Variants in NDUFAF6 observed in about 807,000 individuals in gnomAD.
NDUFAF6 encodes NADH dehydrogenase (ubiquinone) complex I, assembly factor 6.
NDUFAF6 carries 45 observed loss-of-function variants against 40.8 expected under a neutral mutation model. The observed-to-expected ratio is 1.10, with a 90% CI of 0.87 to 1.42. The LOEUF (loss-of-function observed/expected upper bound fraction) is 1.42, where lower values mean the gene tolerates loss of function less well. NDUFAF6 is among the 40% of genes most tolerant of loss of function. The pLI is 0.00. For synonymous variants in NDUFAF6, 185 were observed against 155.9 expected, an observed-to-expected ratio of 1.19 and a Z score of -1.39; for missense variants, 435 against 418.5, an observed-to-expected ratio of 1.04 and a Z score of -0.34.
chr8:95,084,487 C>T (rs757113855), intron 2 of NDUFAF6, among the ~76,000 whole-genome samples: 1 of 152,158 alleles, frequency 6.6e-6, no homozygotes, highest in Non-Finnish European at 1.5e-5. Context: ...AAAGTCCATA[C>T]CTTACTCTTC....
intron 1 of NDUFAF6, among the ~76,000 whole-genome samples, chr8:94,935,128 T>G (rs199734653): frequency 4.1e-4 from 60 of 144,750 alleles, no homozygotes; most frequent in Admixed American, 1.3e-3. Context: ...GGTAGATAGA[T>G]ATAGATAGAT....
chr8:94,934,449 GATC>G (rs1820767260), intron 1 of NDUFAF6, among the ~76,000 whole-genome samples: 1 of 150,932 alleles, frequency 6.6e-6, no homozygotes, highest in African/African-American at 2.4e-5. Flanking sequence ...GCAATGGCGT[GATC>G]TCAGCTCACT....
intron 2 of NDUFAF6, among the ~76,000 whole-genome samples, chr8:94,952,925 A>C (rs1430307541): frequency 6.6e-6 from 1 of 152,250 alleles, no homozygotes; most frequent in Admixed American, 6.5e-5. Context: ...AAGAGGTGGG[A>C]TAGCCTGCGC....
At chr8:95,048,423 A>G (rs778967428) in intron 6 of NDUFAF6, 34 bp from the exon 7 acceptor site, 173 of 1,479,508 alleles carry the variant, frequency 1.2e-4, no homozygotes, top group Non-Finnish European at 1.6e-4. Context: ...AAGTGCTTTT[A>G]GGTTCCTAAT....
chr8:95,049,873 A>G lies in NDUFAF6; in HGVS notation c.816+1315A>G, dbSNP rs1831235523. Among the ~76,000 whole-genome samples the G allele has an allele frequency of 2.0e-5, 3 of 152,142 alleles. No individual in the cohort carries two copies. The South Asian group carries it at 6.2e-4, about 32-fold the overall frequency. On this transcript the variant is annotated intron_variant, in intron 7 of 8. Coordinates refer to ENST00000396124, the MANE Select transcript of NDUFAF6 (RefSeq NM_152416.4). ...AAGTTACTTTGTTTGATTCTGTTGT[A>G]TATTCTTCAGCATCTAAAGTACCTG...
exon 10 of NDUFAF6, chr8:95,075,664 G>A (rs950281851): frequency 7.8e-7 from 1 of 1,288,186 alleles, no homozygotes; most frequent in African/African-American, 1.5e-5. Flanking sequence ...CAGGGCGTGT[G>A]TCTTGCACAG....
intron 1 of NDUFAF6, among the ~76,000 whole-genome samples, chr8:94,961,447 A>G (rs1823562598): frequency 6.6e-6 from 1 of 152,148 alleles, no homozygotes; most frequent in Non-Finnish European, 1.5e-5. Flanking sequence ...TTTGAGACGG[A>G]GTCTCGCTCT....
chr8:94,984,516 GT>G (rs990897798), intron 2 of NDUFAF6, among the ~76,000 whole-genome samples: 37 of 152,310 alleles, frequency 2.4e-4, no homozygotes, highest in African/African-American at 8.7e-4. Flanking sequence ...AGAGAAATCT[GT>G]TTTTTATTAC....
chr8:94,932,246 T>C lies in NDUFAF6; in HGVS notation c.-935-13237T>C, dbSNP rs1348396038. 4.7e-6 allele frequency: 4 copies of C among 852,284 alleles called. No individual in the cohort carries two copies. The African/African-American group carries it at 5.1e-5, about 11-fold the overall frequency. The allele number at this position is 852,284 out of a possible 1,614,324, so 52.8% of individuals were successfully genotyped here. A position where few individuals can be genotyped will look rare whatever the true frequency, so the allele number is the denominator to read the frequency against. On this transcript the variant is annotated intron_variant, in intron 1 of 14. Transcript: ENST00000396113. ...TAAAGGCACGTACATGTGCTTAAGATAACATGTAAAACCTTCAAAAACAAT... is the reference window on the plus strand; with the variant it reads ...TAAAGGCACGTACATGTGCTTAAGACAACATGTAAAACCTTCAAAAACAAT...
At chr8:95,059,169 A>T (rs1832502119), downstream of NDUFAF6, among the ~76,000 whole-genome samples, 1 of 152,334 alleles carries the variant, frequency 6.6e-6, no homozygotes, top group South Asian at 2.1e-4. Flanking sequence ...CAGGACCAGG[A>T]TTATGCCAGT....
chr8:95,036,360 C>T lies in NDUFAF6; in HGVS notation c.420+784C>T, dbSNP rs749738738. 19 of 1,289,234 alleles carry T rather than the reference C, an allele frequency of 1.5e-5. No homozygotes were observed. Among genetic ancestry groups the T allele is most frequent in the Middle Eastern group, 2.1e-4 (1 of 4,718 alleles). The allele number at this position is 1,289,234 out of a possible 1,614,324, so 79.9% of individuals were successfully genotyped here. A position where few individuals can be genotyped will look rare whatever the true frequency, so the allele number is the denominator to read the frequency against. Reference sequence around the variant, plus strand: ...CACCCACAGACCTGACAGTGGTACACCTCTTCTCAGGTCTGCACACCAGCA... The same window carrying T: ...CACCCACAGACCTGACAGTGGTACATCTCTTCTCAGGTCTGCACACCAGCA... On this transcript the variant is annotated intron_variant, in intron 3 of 8. Coordinates refer to ENST00000396124, the MANE Select transcript of NDUFAF6 (RefSeq NM_152416.4).
chr8:94,985,515 ATTTTTTTTTTTTTTT>A (rs1200345448), intron 2 of NDUFAF6, among the ~76,000 whole-genome samples: 4 of 6,594 alleles, frequency 6.1e-4, no homozygotes, highest in Non-Finnish European at 6.7e-4. Context: ...ATATATATAT[ATTTTTTTTTTTTTTT>A]TTTTTTTTTT....
At chr8:94,984,722 A>T (rs1291960398) in intron 2 of NDUFAF6, among the ~76,000 whole-genome samples, 1 of 152,198 alleles carries the variant, frequency 6.6e-6, no homozygotes, top group African/African-American at 2.4e-5. Context: ...CTAAAAGCAG[A>T]TGTGGAAGAG....
intron 1 of NDUFAF6, among the ~76,000 whole-genome samples, chr8:94,933,413 G>A (rs1269637085): frequency 2.0e-5 from 3 of 152,144 alleles, no homozygotes; most frequent in Non-Finnish European, 2.9e-5. Context: ...GAAGAAAGAA[G>A]AAGAAATCTA....
rs1185350966 is a variant in NDUFAF6 at position 95,058,272 on chromosome 8, C to T, written c.*335C>T. 2.3e-6 allele frequency: 3 copies of T among 1,296,336 alleles called. No individual in the cohort carries two copies. The highest frequency in any genetic ancestry group is 3.7e-5 in the Admixed American group (1 of 27,220). The allele number at this position is 1,296,336 out of a possible 1,614,324, so 80.3% of individuals were successfully genotyped here. ...GCAGGGAGAAGGAATGTCATTCTCC[C>T]TTCACCACTGGGGAAGGAAAGGGGA... On this transcript the variant is annotated 3_prime_UTR_variant, in exon 9 of 9. Transcript: ENST00000396124.
rs1554657858 is a variant in NDUFAF6, at chr8:95,005,554, A to ATATATATATATATATATATATATAAATAT, written c.-84+24581_-84+24582insTATATATATATATATATATATATAAATAT. Among the ~76,000 whole-genome samples the ATATATATATATATATATATATATAAATAT allele has an allele frequency of 6.9e-5, 8 of 115,338 alleles. 1 individual carries two copies. The highest frequency in any genetic ancestry group is 3.0e-4 in the African/African-American group (8 of 26,776). 75.7% of individuals were successfully genotyped at this position (115,338 alleles called of 152,430 possible). On this transcript the variant is annotated intron_variant, in intron 2 of 9. Transcript: ENST00000396111. ...ATATATATATATATATATATATATA[A>ATATATATATATATATATATATATAAATAT]AAAATATATTAACATAAATAATATA...
At chr8:94,914,157 CA>C (rs1250004133) in intron 1 of NDUFAF6, among the ~76,000 whole-genome samples, 1 of 132,174 alleles carries the variant, frequency 7.6e-6, no homozygotes, top group East Asian at 2.4e-4. Context: ...ACAGGCACAT[CA>C]GGGTCTTCAC....
intron 2 of NDUFAF6, among the ~76,000 whole-genome samples, chr8:94,990,875 C>T (rs1826161667): frequency 6.6e-6 from 1 of 152,210 alleles, no homozygotes; most frequent in Non-Finnish European, 1.5e-5. Flanking sequence ...AGATGAACTC[C>T]AGGTTTCCCC....
intron 1 of NDUFAF6, among the ~76,000 whole-genome samples, chr8:94,959,091 G>A (rs928400785): frequency 3.9e-5 from 6 of 152,054 alleles, no homozygotes; most frequent in Admixed American, 3.3e-4. Context: ...GGGTGATTGC[G>A]GTAGCAAAGC....
Sources: gnomAD v4.1 joint callset for allele counts (sites outside exome capture counted in the v4.1 genomes callset) on GRCh38, gnomAD v4.1.1 for gene constraint, MANE v1.5 for transcripts, NCBI Gene and HGNC (gene_info 2026-07-23, HGNC 2026-07-21) for gene names.